Variants in ASTN2 observed in about 807,000 individuals in gnomAD.
ASTN2 encodes astrotactin 2, also known as astrotactin-2.
Under a neutral mutation model 139.8 loss-of-function variants are expected in ASTN2, and 54 were observed. The ratio of observed to expected loss-of-function variants is 0.39; its 90% CI spans 0.31 to 0.48. The LOEUF (loss-of-function observed/expected upper bound fraction) is 0.48. Among genes scored for constraint, ASTN2 ranks in the 20% least tolerant of loss-of-function variants. The pLI is 0.95. For synonymous variants in ASTN2, 756 were observed against 719.5 expected, an observed-to-expected ratio of 1.05 and a Z score of -0.81; for missense variants, 1,565 against 1,725.1, an observed-to-expected ratio of 0.91 and a Z score of 1.64.
chr9:117,226,429 G>A (rs1016250090), intron 2 of ASTN2, among the ~76,000 whole-genome samples: 6 of 152,174 alleles, frequency 3.9e-5, no homozygotes, highest in Non-Finnish European at 8.8e-5. Flanking sequence ...GAATCCAACA[G>A]TGTCTAGAAT....
chr9:116,695,456 A>G (rs1328703796), intron 16 of ASTN2, among the ~76,000 whole-genome samples: 1 of 152,194 alleles, frequency 6.6e-6, no homozygotes, highest in African/African-American at 2.4e-5. Context: ...TTGCATTCCA[A>G]AGCTAATATG....
chr9:116,623,190 TGTGTGTGTGTGTG>T (rs1856261050), intron 17 of ASTN2, among the ~76,000 whole-genome samples: 1 of 107,762 alleles, frequency 9.3e-6, no homozygotes, highest in African/African-American at 2.9e-5. Flanking sequence ...TGTGTGTGTG[TGTGTGTGTGTGTG>T]TTTGGTTTTT....
chr9:117,381,821 T>C (rs1339926), intron 1 of ASTN2, among the ~76,000 whole-genome samples: 54,192 of 152,090 alleles, frequency 0.36, 10,575 homozygotes, highest in Non-Finnish European at 0.45. Context: ...TTTTATGGTA[T>C]GTGAATTATA....
chr9:116,859,122 C>T (rs1832814541), intron 11 of ASTN2, among the ~76,000 whole-genome samples: 1 of 152,230 alleles, frequency 6.6e-6, no homozygotes. Context: ...TCTCTCTACC[C>T]CACTCCTCTG....
At chr9:117,312,485 C>T (rs1018849263) in intron 1 of ASTN2, among the ~76,000 whole-genome samples, 1 of 152,080 alleles carries the variant, frequency 6.6e-6, no homozygotes, top group Non-Finnish European at 1.5e-5. Context: ...TTATAGTAGC[C>T]TTCTAATTTT....
chr9:116,891,768 A>G (rs976377100), intron 10 of ASTN2, among the ~76,000 whole-genome samples: 3 of 152,244 alleles, frequency 2.0e-5, no homozygotes, highest in Non-Finnish European at 4.4e-5. Context: ...ATGTTCCATG[A>G]TAAAAATTAC....
At chr9:117,337,733 C>T (rs1028710502) in intron 1 of ASTN2, among the ~76,000 whole-genome samples, 1 of 152,106 alleles carries the variant, frequency 6.6e-6, no homozygotes, top group East Asian at 1.9e-4. Context: ...AAATAACCAA[C>T]TAGTAGACAC....
At chr9:117,387,693 C>G (rs1830434760) in intron 1 of ASTN2, among the ~76,000 whole-genome samples, 1 of 152,180 alleles carries the variant, frequency 6.6e-6, no homozygotes, top group South Asian at 2.1e-4. Flanking sequence ...CCAGAAGATC[C>G]ACAGGCTTCC....
intron 1 of ASTN2, among the ~76,000 whole-genome samples, chr9:117,382,005 G>A (rs1227616415): frequency 1.3e-5 from 2 of 152,166 alleles, no homozygotes; most frequent in African/African-American, 4.8e-5. Context: ...GAGCAAGAGA[G>A]AGTGATAGCA....
At chr9:116,963,273 G>A in intron 10 of ASTN2, among the ~76,000 whole-genome samples, 1 of 152,178 alleles carries the variant, frequency 6.6e-6, no homozygotes, top group East Asian at 1.9e-4. Flanking sequence ...GTACACTGGG[G>A]ACTGTGAGTT....
chr9:117,230,126 A>G (rs1832844089), intron 2 of ASTN2, among the ~76,000 whole-genome samples: 1 of 151,560 alleles, frequency 6.6e-6, no homozygotes, highest in African/African-American at 2.4e-5. Flanking sequence ...TAAAAAAAAA[A>G]AAAAGCCCTA....
At chr9:116,969,105 G>A (rs1340508480) in intron 10 of ASTN2, among the ~76,000 whole-genome samples, 1 of 152,064 alleles carries the variant, frequency 6.6e-6, no homozygotes, top group African/African-American at 2.4e-5. Flanking sequence ...GGTTTCAAGG[G>A]TAAGTTGGTG....
intron 20 of ASTN2, among the ~76,000 whole-genome samples, chr9:116,446,268 G>GAGAT (rs142745697): frequency 2.6e-5 from 2 of 76,986 alleles, no homozygotes; most frequent in African/African-American, 8.9e-5. Context: ...GAGAGAGAGA[G>GAGAT]AGATAGAGAG....
chr9:116,802,315 T>C (rs1451192686), intron 13 of ASTN2, among the ~76,000 whole-genome samples: 2 of 152,096 alleles, frequency 1.3e-5, no homozygotes, highest in Non-Finnish European at 2.9e-5. Context: ...CTCAATCTCC[T>C]GACCTCATGA....
chr9:116,572,117 T>A (rs1853543601), intron 19 of ASTN2, among the ~76,000 whole-genome samples: 1 of 152,172 alleles, frequency 6.6e-6, no homozygotes, highest in African/African-American at 2.4e-5. Context: ...TGTTCCCCTG[T>A]GTCTCTGCCT....
intron 12 of ASTN2, among the ~76,000 whole-genome samples, chr9:116,813,753 G>T (rs1454264728): frequency 6.6e-6 from 1 of 152,120 alleles, no homozygotes; most frequent in African/African-American, 2.4e-5. Flanking sequence ...ATTAAGAATA[G>T]GCCAAGTGCG....
chr9:116,494,023 T>C (rs1018428761), intron 19 of ASTN2, among the ~76,000 whole-genome samples: 1 of 152,152 alleles, frequency 6.6e-6, no homozygotes, highest in African/African-American at 2.4e-5. Flanking sequence ...TTATGAGAAC[T>C]TGTCAGGGAC....
At chr9:116,526,312 G>A (rs1328840942) in intron 19 of ASTN2, among the ~76,000 whole-genome samples, 1 of 152,168 alleles carries the variant, frequency 6.6e-6, no homozygotes, top group Non-Finnish European at 1.5e-5. Flanking sequence ...GTTGGTGTGA[G>A]TAGTAAATGT....
intron 17 of ASTN2, among the ~76,000 whole-genome samples, chr9:116,631,567 G>C (rs1310847465): frequency 1.8e-5 from 2 of 112,462 alleles, no homozygotes; most frequent in Non-Finnish European, 1.9e-5. Context: ...CCTAGGAAGG[G>C]TAAGAGAGAG....
Sources: allele counts gnomAD v4.1 joint callset (sites outside exome capture counted in the v4.1 genomes callset), GRCh38; gene constraint gnomAD v4.1.1; transcripts MANE v1.5; gene names NCBI Gene and HGNC (gene_info 2026-07-23, HGNC 2026-07-21).